FAM135B: variants seen among roughly 807,000 people sequenced by gnomAD.
FAM135B encodes family with sequence similarity 135 member B, also known as protein FAM135B.
In FAM135B, 43 loss-of-function variants were observed where a neutral mutation model predicts 127.7. The ratio of observed to expected loss-of-function variants is 0.34; its 90% CI spans 0.26 to 0.43. FAM135B has a LOEUF of 0.43. FAM135B is among the 20% of genes least tolerant of loss of function. The pLI is 1.00. For synonymous variants in FAM135B, 670 were observed against 665.1 expected, an observed-to-expected ratio of 1.01 and a Z score of -0.11; for missense variants, 1,558 against 1,725.6, an observed-to-expected ratio of 0.90 and a Z score of 1.72.
In FAM135B at chr8:138,242,302, CAT is replaced by C. The variant is rs1172382543; in HGVS notation, c.669+638_669+639del. ...TTTATGAGTAGGCCACTAATAAAAACATAGCATATACTGGCTTGGGAGAAATA... is the reference window on the plus strand; with the variant it reads ...TTTATGAGTAGGCCACTAATAAAAACAGCATATACTGGCTTGGGAGAAATA... On this transcript the variant is annotated intron_variant, in intron 7 of 19. Transcript: ENST00000395297. The surrounding 1 kb of genome is among the most constrained non-coding windows in gnomAD (Gnocchi z 9.6). 3.3e-5 allele frequency among the ~76,000 whole-genome samples: 5 copies of C among 150,450 alleles called. No individual in the cohort carries two copies. The highest frequency in any genetic ancestry group is 1.2e-4 in the African/African-American group (5 of 40,900).
At chr8:138,369,533 A>G (rs994882326) in intron 1 of FAM135B, among the ~76,000 whole-genome samples, 1 of 152,184 alleles carries the variant, frequency 6.6e-6, no homozygotes, top group African/African-American at 2.4e-5. Context: ...AAATCCTCAG[A>G]ACCAACCTCT....
At chr8:138,413,557 A>C (rs1833977231) in intron 1 of FAM135B, among the ~76,000 whole-genome samples, 1 of 152,232 alleles carries the variant, frequency 6.6e-6, no homozygotes, top group Admixed American at 6.5e-5. Context: ...AACAACAACC[A>C]TAGTATATTC....
chr8:138,427,228 G>T (rs1834939161), intron 1 of FAM135B, among the ~76,000 whole-genome samples: 1 of 150,796 alleles, frequency 6.6e-6, no homozygotes, highest in African/African-American at 2.4e-5. Context: ...CTTGATCTGG[G>T]TGCTAGTTAA....
At chr8:138,374,788 G>A (rs903871575) in intron 1 of FAM135B, among the ~76,000 whole-genome samples, 1 of 152,190 alleles carries the variant, frequency 6.6e-6, no homozygotes, top group Admixed American at 6.5e-5. Context: ...CTGTCGGGCT[G>A]AGTCCAGGCA....
At chr8:138,319,756 T>G (rs1459664112) in intron 2 of FAM135B, among the ~76,000 whole-genome samples, 1 of 152,220 alleles carries the variant, frequency 6.6e-6, no homozygotes. Flanking sequence ...CACCTCCTAA[T>G]GTTCAGAACC....
intron 3 of FAM135B, among the ~76,000 whole-genome samples, chr8:138,285,134 ATTTTTTTTTTT>A (rs386414180): frequency 1.8e-3 from 98 of 54,792 alleles, no homozygotes; most frequent in African/African-American, 6.4e-3. Context: ...GGCTCTACTA[ATTTTTTTTTTT>A]TTTTTTTTTT....
chr8:138,247,995 A>G (rs533481132), intron 6 of FAM135B, among the ~76,000 whole-genome samples: 1 of 152,344 alleles, frequency 6.6e-6, no homozygotes, highest in Admixed American at 6.5e-5. Context: ...CCATGCTAAC[A>G]ATTACATAGC....
chr8:138,244,206 AT>A, intron 6 of FAM135B, among the ~76,000 whole-genome samples: 1 of 152,302 alleles, frequency 6.6e-6, no homozygotes, highest in African/African-American at 2.4e-5. Flanking sequence ...CCTTAAAGAC[AT>A]TTGTCTAAAG....
intron 2 of FAM135B, among the ~76,000 whole-genome samples, chr8:138,345,824 C>T (rs540711165): frequency 6.6e-6 from 1 of 152,212 alleles, no homozygotes; most frequent in Non-Finnish European, 1.5e-5. Context: ...ATCTCTACTG[C>T]CTCAGTTTCT....
intron 1 of FAM135B, among the ~76,000 whole-genome samples, chr8:138,394,317 G>A (rs138186553): frequency 2.0e-5 from 3 of 152,270 alleles, no homozygotes; most frequent in African/African-American, 7.2e-5. Context: ...AAGTTTACAT[G>A]TGGCAGGCAC....
intron 1 of FAM135B, among the ~76,000 whole-genome samples, chr8:138,411,417 A>C (rs1016047120): frequency 1.3e-5 from 2 of 152,176 alleles, no homozygotes; most frequent in Non-Finnish European, 2.9e-5. Context: ...TGGTGCTGGG[A>C]AAACTGGCTA....
intron 1 of FAM135B, chr8:138,440,773 G>A (rs1564004156): frequency 6.6e-6 from 1 of 151,656 alleles, no homozygotes; most frequent in Non-Finnish European, 1.5e-5. Flanking sequence ...TCATACTGTA[G>A]GCTTCCTCTA....
At chr8:138,360,785 G>C (rs919141011) in intron 2 of FAM135B, among the ~76,000 whole-genome samples, 2 of 152,132 alleles carry the variant, frequency 1.3e-5, no homozygotes, top group Admixed American at 6.6e-5. Flanking sequence ...TGAAGTTTGA[G>C]ATTTTCACAG....
chr8:138,416,922 A>C (rs1284778275), intron 1 of FAM135B, among the ~76,000 whole-genome samples: 3 of 152,132 alleles, frequency 2.0e-5, no homozygotes. Flanking sequence ...AGGTGTGTGA[A>C]AGAGGCATGG....
intron 1 of FAM135B, among the ~76,000 whole-genome samples, chr8:138,384,701 G>A (rs754045827): frequency 3.3e-5 from 5 of 152,040 alleles, no homozygotes; most frequent in Admixed American, 6.6e-5. Context: ...GAGAGATGCA[G>A]CCATGGAAGG....
chr8:138,402,899 A>G (rs908983322), intron 1 of FAM135B, among the ~76,000 whole-genome samples: 4 of 152,168 alleles, frequency 2.6e-5, no homozygotes, highest in East Asian at 1.9e-4. Context: ...CCATTAGATC[A>G]TGAAGGTGGA....
At chr8:138,339,150 C>T (rs1206289719) in intron 2 of FAM135B, among the ~76,000 whole-genome samples, 1 of 151,504 alleles carries the variant, frequency 6.6e-6, no homozygotes, top group Non-Finnish European at 1.5e-5. Context: ...AGGAGATACA[C>T]CTAATGTTAA....
chr8:138,320,712 T>C (rs1827393762), intron 2 of FAM135B, among the ~76,000 whole-genome samples: 1 of 152,158 alleles, frequency 6.6e-6, no homozygotes, highest in Admixed American at 6.5e-5. Context: ...GCACCATTCA[T>C]CTCTGTATCC....
At chr8:138,191,696 G>C (rs1344390270) in intron 9 of FAM135B, among the ~76,000 whole-genome samples, 3 of 152,168 alleles carry the variant, frequency 2.0e-5, no homozygotes, top group Non-Finnish European at 2.9e-5. Flanking sequence ...AAAGATGAAT[G>C]GCAGTCGTTC....
Sources: gnomAD v4.1 joint callset for allele counts (sites outside exome capture counted in the v4.1 genomes callset) on GRCh38, gnomAD v4.1.1 for gene constraint, Gnocchi (gnomAD v3.1) non-coding constraint, MANE v1.5 for transcripts, NCBI Gene and HGNC (gene_info 2026-07-23, HGNC 2026-07-21) for gene names.